COL23A1: variants seen among roughly 807,000 people sequenced by gnomAD.
COL23A1 encodes collagen alpha-1(XXIII) chain.
In COL23A1, 97 loss-of-function variants were observed where a neutral mutation model predicts 99.3. The observed-to-expected ratio is 0.98, with a 90% CI of 0.83 to 1.16. The LOEUF is 1.16. COL23A1 is among the 50% of genes most tolerant of loss of function. COL23A1 has a pLI of 0.00. For missense variants in COL23A1, 762 were observed against 757.4 expected (o/e 1.01, Z -0.07); for synonymous variants, 320 against 308.2 (o/e 1.04, Z -0.40).
intron 2 of COL23A1, among the ~76,000 whole-genome samples, chr5:178,502,378 G>T (rs28707624): frequency 9.2e-5 from 14 of 152,102 alleles, no homozygotes; most frequent in African/African-American, 3.4e-4. Flanking sequence ...TGATCTGCCC[G>T]CCTCGGCCTC....
chr5:178,387,643 C>T lies in COL23A1; in HGVS notation c.362-80724G>A, dbSNP rs1012506648. Among the ~76,000 whole-genome samples the T allele has an allele frequency of 3.9e-5, 6 of 152,224 alleles. No individual in the cohort carries two copies. Among genetic ancestry groups the T allele is most frequent in the Non-Finnish European group, 7.3e-5 (5 of 68,042 alleles). On this transcript the variant is annotated intron_variant, in intron 2 of 28. Coordinates refer to ENST00000390654, the MANE Select transcript of COL23A1 (RefSeq NM_173465.4). The surrounding 1 kb of genome is among the most constrained non-coding windows in gnomAD (Gnocchi z 4.7). ...ACTTCTAGAGGCTCATGACCATTTA[C>T]CTTTTATCCCCAGTACGAATACAAA...
intron 1 of COL23A1, among the ~76,000 whole-genome samples, chr5:178,566,107 A>C (rs1581651241): frequency 6.6e-6 from 1 of 152,166 alleles, no homozygotes; most frequent in East Asian, 1.9e-4. Flanking sequence ...AGCCTGGGCA[A>C]CAAGAGCAAG....
intron 2 of COL23A1, among the ~76,000 whole-genome samples, chr5:178,405,621 C>G (rs1377078774): frequency 1.3e-5 from 2 of 152,130 alleles, no homozygotes; most frequent in Non-Finnish European, 2.9e-5. Context: ...TCAGGAACAA[C>G]ATGAGGATGC....
chr5:178,578,096 C>T (rs569534324), intron 1 of COL23A1, among the ~76,000 whole-genome samples: 4 of 151,122 alleles, frequency 2.6e-5, no homozygotes, highest in African/African-American at 9.8e-5. Flanking sequence ...CACATGCATG[C>T]ACACGCCCAC....
chr5:178,516,121 G>A (rs116865281), intron 2 of COL23A1, among the ~76,000 whole-genome samples: 14 of 152,230 alleles, frequency 9.2e-5, no homozygotes, highest in East Asian at 5.8e-4. Flanking sequence ...CACCTGCCCC[G>A]TCCTCGTCCT....
intron 2 of COL23A1, among the ~76,000 whole-genome samples, chr5:178,514,789 T>C (rs2127997973): frequency 6.6e-6 from 1 of 152,370 alleles, no homozygotes; most frequent in South Asian, 2.1e-4. Flanking sequence ...AGTCACGTTT[T>C]CCCAGGCTCA....
intron 1 of COL23A1, among the ~76,000 whole-genome samples, chr5:178,584,191 G>A (rs1165565260): frequency 6.6e-6 from 1 of 151,922 alleles, no homozygotes; most frequent in Non-Finnish European, 1.5e-5. Flanking sequence ...GGTGTTTTTA[G>A]TAGAGACAGG....
At position 178,249,017 on chromosome 5, in the gene COL23A1, T is replaced by A. The variant is rs1764866393; in HGVS notation, c.1149+100A>T. 5.0e-6 allele frequency: 6 copies of A among 1,210,046 alleles called. No homozygotes were observed. The South Asian group carries it at 6.1e-5, about 12-fold the overall frequency. The allele number at this position is 1,210,046 out of a possible 1,614,324, so 75.0% of individuals were successfully genotyped here. On this transcript the variant is annotated intron_variant, in intron 19 of 28. Coordinates refer to ENST00000390654, the MANE Select transcript of COL23A1 (RefSeq NM_173465.4). ...CTGGGCACTGAGACCGCAGGGGCTG[T>A]CAGGGTCACGCCCTGGCCTCCCCAC...
At chr5:178,270,594 C>A (rs942043289) in intron 5 of COL23A1, among the ~76,000 whole-genome samples, 1 of 152,190 alleles carries the variant, frequency 6.6e-6, no homozygotes, top group Non-Finnish European at 1.5e-5. Flanking sequence ...TAAAGACCAC[C>A]CCCCATCTCA....
intron 2 of COL23A1, among the ~76,000 whole-genome samples, chr5:178,383,153 C>T (rs1219026285): frequency 6.6e-6 from 1 of 152,204 alleles, no homozygotes; most frequent in African/African-American, 2.4e-5. Flanking sequence ...CCTCCCCCTC[C>T]TCCAGCTCTG....
intron 1 of COL23A1, among the ~76,000 whole-genome samples, chr5:178,584,688 CCA>C (rs1337423767): frequency 6.6e-6 from 1 of 152,090 alleles, no homozygotes; most frequent in Non-Finnish European, 1.5e-5. Context: ...GATTTGGAGG[CCA>C]CAGTCAGATA....
At position 178,544,649 on chromosome 5, in the gene COL23A1, G is replaced by A. The variant is rs528979315; in HGVS notation, c.361+16033C>T. Among the ~76,000 whole-genome samples the A allele has an allele frequency of 6.7e-3, 1,020 of 152,306 alleles. 13 individuals are homozygous for A. Among genetic ancestry groups the A allele is most frequent in the African/African-American group, 0.023 (947 of 41,560 alleles). ...CCTCTATCCCCACTGTGAGACGGGC[G>A]GTGCCACAAATGGGAGGTGACGATC... On this transcript the variant is annotated intron_variant, in intron 2 of 28. Transcript: ENST00000390654. The surrounding 1 kb of genome is among the most constrained non-coding windows in gnomAD (Gnocchi z 4.4).
At chr5:178,294,311 GCTCCC>G (rs1561834823) in intron 3 of COL23A1, among the ~76,000 whole-genome samples, 61 of 29,416 alleles carry the variant, frequency 2.1e-3, no homozygotes, top group African/African-American at 3.8e-3. Context: ...TCACTACCCA[GCTCCC>G]TCCCCAAATC....
At chr5:178,412,588 G>T (rs1765108859) in intron 2 of COL23A1, among the ~76,000 whole-genome samples, 1 of 151,952 alleles carries the variant, frequency 6.6e-6, no homozygotes. Context: ...ATGTAATCTG[G>T]GATTACAGAG....
At position 178,590,334 on chromosome 5, in the gene COL23A1, C is replaced by G. The variant is rs1764207751; in HGVS notation, c.-137G>C. ...GGTTAGCCTCCGGGTAGCAGCGGATCGCCGCGCACGCCCCCTTCGCCGCAG... is the reference window on the plus strand; with the variant it reads ...GGTTAGCCTCCGGGTAGCAGCGGATGGCCGCGCACGCCCCCTTCGCCGCAG... On this transcript the variant is annotated 5_prime_UTR_variant, in exon 1 of 29. Coordinates refer to ENST00000390654, the MANE Select transcript of COL23A1 (RefSeq NM_173465.4). This position sits in a 1 kb window ranked among gnomAD's most constrained non-coding sequence, Gnocchi z 5.7. The G allele has an allele frequency of 2.7e-5, 19 of 714,742 alleles. No homozygotes were observed. The highest frequency in any genetic ancestry group is 3.5e-5 in the Non-Finnish European group (19 of 538,764). 44.3% of individuals were successfully genotyped at this position (714,742 alleles called of 1,614,324 possible). A position where few individuals can be genotyped will look rare whatever the true frequency, so the allele number is the denominator to read the frequency against.
intron 5 of COL23A1, among the ~76,000 whole-genome samples, chr5:178,273,184 G>T (rs1430486795): frequency 6.6e-6 from 1 of 152,234 alleles, no homozygotes; most frequent in African/African-American, 2.4e-5. Context: ...TGCCTTTCTA[G>T]AAGTGCCCGT....
intron 2 of COL23A1, among the ~76,000 whole-genome samples, chr5:178,477,068 T>C (rs1166756703): frequency 6.6e-6 from 1 of 152,214 alleles, no homozygotes; most frequent in Non-Finnish European, 1.5e-5. Flanking sequence ...TCGGATATTC[T>C]CAGGGGCTGT....
intron 1 of COL23A1, among the ~76,000 whole-genome samples, chr5:178,576,574 C>T (rs1763371511): frequency 6.6e-6 from 1 of 152,220 alleles, no homozygotes; most frequent in Non-Finnish European, 1.5e-5. Flanking sequence ...TTCTCAGAAC[C>T]CGCCCTCCAG....
intron 2 of COL23A1, among the ~76,000 whole-genome samples, chr5:178,406,907 A>G (rs1764794734): frequency 6.6e-6 from 1 of 152,248 alleles, no homozygotes; most frequent in Non-Finnish European, 1.5e-5. Context: ...TACAGTAGAC[A>G]TACTTTCCCT....
Sources: gnomAD v4.1 joint callset for allele counts (sites outside exome capture counted in the v4.1 genomes callset) on GRCh38, gnomAD v4.1.1 for gene constraint, Gnocchi (gnomAD v3.1) non-coding constraint, MANE v1.5 for transcripts, NCBI Gene and HGNC (gene_info 2026-07-23, HGNC 2026-07-21) for gene names.